Variants in RBFOX1 observed in about 807,000 individuals in gnomAD.
RBFOX1 encodes RNA binding fox-1 homolog 1.
Under a neutral mutation model 57.7 loss-of-function variants are expected in RBFOX1, and 8 were observed. That is an observed-to-expected ratio of 0.14 (90% CI 0.08 to 0.25). The LOEUF is 0.25. Among genes scored for constraint, RBFOX1 ranks in the 10% least tolerant of loss-of-function variants. RBFOX1 has a pLI of 1.00. For synonymous variants in RBFOX1, 326 were observed against 222.4 expected (o/e 1.47, Z -4.15); for missense variants, 611 against 548.5 (o/e 1.11, Z -1.14).
chr16:6,191,381 T>G (rs1458867459), intron 1 of RBFOX1, among the ~76,000 whole-genome samples: 2 of 152,144 alleles, frequency 1.3e-5, no homozygotes, highest in Non-Finnish European at 2.9e-5. Context: ...GTCCTTTCAC[T>G]GGCAAGTGAG....
intron 4 of RBFOX1, among the ~76,000 whole-genome samples, chr16:7,209,784 T>C (rs1026224989): frequency 6.6e-6 from 1 of 152,156 alleles, no homozygotes; most frequent in Non-Finnish European, 1.5e-5. Context: ...TTCTGTTGTG[T>C]TCAGCCAAAT....
chr16:6,852,714 C>T lies in RBFOX1; in HGVS notation c.-16+198064C>T, dbSNP rs535091273. On this transcript the variant is annotated intron_variant, in intron 3 of 15. Coordinates refer to ENST00000550418, the MANE Select transcript of RBFOX1 (RefSeq NM_018723.4). Reference sequence around the variant, plus strand: ...GCATGCCAGGAAATAGCTGTGCCAGCGAGGCGTGGGCTGGGAACTAGCTGT... The same window carrying T: ...GCATGCCAGGAAATAGCTGTGCCAGTGAGGCGTGGGCTGGGAACTAGCTGT... Among the ~76,000 whole-genome samples, 107 of 148,138 alleles carry T rather than the reference C, an allele frequency of 7.2e-4. 1 individual carries two copies. The highest frequency in any genetic ancestry group is 1.9e-3 in the Admixed American group (28 of 14,812).
At chr16:7,234,310 G>A (rs2093657359) in intron 4 of RBFOX1, among the ~76,000 whole-genome samples, 1 of 152,046 alleles carries the variant, frequency 6.6e-6, no homozygotes, top group South Asian at 2.1e-4. Context: ...TCTTCCAGTG[G>A]GTTGGTGTTG....
intron 3 of RBFOX1, among the ~76,000 whole-genome samples, chr16:6,764,441 G>C (rs2077047698): frequency 6.6e-6 from 1 of 152,162 alleles, no homozygotes; most frequent in Admixed American, 6.5e-5. Context: ...AGGTTAGCTT[G>C]ATGAGCACAA....
At chr16:7,661,577 C>T (rs1448691395) in intron 12 of RBFOX1, among the ~76,000 whole-genome samples, 2 of 152,194 alleles carry the variant, frequency 1.3e-5, no homozygotes, top group African/African-American at 4.8e-5. Context: ...TTGCTGTCTC[C>T]TGCAGTATCT....
At chr16:6,238,193 T>G (rs1469129835) in intron 1 of RBFOX1, among the ~76,000 whole-genome samples, 1 of 152,026 alleles carries the variant, frequency 6.6e-6, no homozygotes, top group Non-Finnish European at 1.5e-5. Context: ...ATAAAAATAT[T>G]GCTATTACAG....
At chr16:5,459,220 T>C (rs2068718003) in intron 1 of RBFOX1, among the ~76,000 whole-genome samples, 1 of 152,220 alleles carries the variant, frequency 6.6e-6, no homozygotes, top group South Asian at 2.1e-4. Flanking sequence ...GTAAACCAGA[T>C]ATGACCCTTG....
chr16:7,555,551 C>G (rs1389480018), intron 5 of RBFOX1, among the ~76,000 whole-genome samples: 1 of 152,124 alleles, frequency 6.6e-6, no homozygotes, highest in Non-Finnish European at 1.5e-5. Flanking sequence ...TTGTTTAAAG[C>G]TAAAGTTCTT....
intron 2 of RBFOX1, among the ~76,000 whole-genome samples, chr16:5,556,656 A>G (rs2045688912): frequency 6.6e-6 from 1 of 151,944 alleles, no homozygotes; most frequent in Non-Finnish European, 1.5e-5. Flanking sequence ...CTGCAGACTG[A>G]CTCTCACCCT....
intron 1 of RBFOX1, among the ~76,000 whole-genome samples, chr16:6,210,363 A>ACC (rs2097287678): frequency 1.1e-5 from 1 of 90,936 alleles, no homozygotes; most frequent in Non-Finnish European, 2.4e-5. Flanking sequence ...AAAAACACCA[A>ACC]AAAAAAAAAA....
rs552244018 is a variant in RBFOX1, at chr16:5,913,185, G to A, written c.351+45850G>A. 1.3e-4 allele frequency among the ~76,000 whole-genome samples: 20 copies of A among 152,284 alleles called. No individual in the cohort carries two copies. In the South Asian group the frequency reaches 3.7e-3, roughly 28 times the overall value. On this transcript the variant is annotated intron_variant, in intron 4 of 19. Transcript: ENST00000641259. ...ATAGCAGGTTGACCTGGCTTAATAG[G>A]TAGAAAGCCACACACGGGTGCATGA...
chr16:7,380,458 A>T (rs749920166), intron 4 of RBFOX1, among the ~76,000 whole-genome samples: 1 of 152,226 alleles, frequency 6.6e-6, no homozygotes, highest in Admixed American at 6.5e-5. Flanking sequence ...AGGCTTTTCA[A>T]TGTTGGCACA....
At chr16:6,854,001 C>T (rs2057334290) in intron 3 of RBFOX1, among the ~76,000 whole-genome samples, 1 of 152,014 alleles carries the variant, frequency 6.6e-6, no homozygotes, top group South Asian at 2.1e-4. Flanking sequence ...GTCTGCAGGC[C>T]AGAAAGAAAG....
At chr16:6,408,230 C>T (rs916868388) in intron 2 of RBFOX1, among the ~76,000 whole-genome samples, 1 of 152,078 alleles carries the variant, frequency 6.6e-6, no homozygotes, top group African/African-American at 2.4e-5. Flanking sequence ...CAAAGACATT[C>T]CCTAAAAGAA....
At chr16:7,154,444 G>T (rs1415771956) in intron 4 of RBFOX1, among the ~76,000 whole-genome samples, 1 of 152,202 alleles carries the variant, frequency 6.6e-6, no homozygotes, top group Non-Finnish European at 1.5e-5. Context: ...AAGGACAATA[G>T]ATCTTTCCTA....
intron 4 of RBFOX1, among the ~76,000 whole-genome samples, chr16:7,117,078 G>A (rs527843540): frequency 1.6e-4 from 25 of 152,200 alleles, no homozygotes; most frequent in African/African-American, 5.8e-4. Context: ...ATACTCAAAA[G>A]CAGCTAAAAT....
chr16:6,090,627 G>A (rs768753827), intron 1 of RBFOX1, among the ~76,000 whole-genome samples: 1 of 152,278 alleles, frequency 6.6e-6, no homozygotes, highest in African/African-American at 2.4e-5. Flanking sequence ...AATGCATTAC[G>A]TTACCATATT....
At chr16:6,598,937 C>T (rs992831058) in intron 2 of RBFOX1, among the ~76,000 whole-genome samples, 1 of 142,228 alleles carries the variant, frequency 7.0e-6, no homozygotes, top group Admixed American at 7.1e-5. Flanking sequence ...CAGAGCAAGA[C>T]TCCATGTTAA....
At chr16:7,517,530 A>G (rs1034564779) in intron 4 of RBFOX1, among the ~76,000 whole-genome samples, 1 of 87,688 alleles carries the variant, frequency 1.1e-5, no homozygotes, top group Non-Finnish European at 2.4e-5. Context: ...TGGGGACATC[A>G]TACACGCATA....
Sources: gnomAD v4.1 joint callset for allele counts (sites outside exome capture counted in the v4.1 genomes callset) on GRCh38, gnomAD v4.1.1 for gene constraint, MANE v1.5 for transcripts, NCBI Gene and HGNC (gene_info 2026-07-23, HGNC 2026-07-21) for gene names.